Variants in WAC observed in about 807,000 individuals in gnomAD.
WAC encodes WW domain containing adaptor with coiled-coil, also known as WW domain-containing adapter protein with coiled-coil.
A neutral mutation model predicts 79.6 loss-of-function variants in WAC; 11 were observed. That is an observed-to-expected ratio of 0.14 (90% CI 0.09 to 0.23). The LOEUF (loss-of-function observed/expected upper bound fraction) is 0.23. Among genes scored for constraint, WAC ranks in the 10% least tolerant of loss-of-function variants. The probability of loss-of-function intolerance (pLI) is 1.00; values close to 1 mark genes in which losing one functional copy is unlikely to be tolerated. For synonymous variants in WAC, 304 were observed against 276.9 expected (o/e 1.10, Z -0.97); for missense variants, 728 against 773.5 (o/e 0.94, Z 0.70).
At position 28,614,657 on chromosome 10, in the gene WAC, G is replaced by A. The variant is rs757461406; in HGVS notation, c.1528G>A (p.Val510Ile). The A allele has an allele frequency of 1.9e-6, 3 of 1,614,134 alleles. No homozygotes were observed. The highest frequency in any genetic ancestry group is 2.5e-6 in the Non-Finnish European group (3 of 1,179,998). Reference sequence around the variant, plus strand: ...TGACAAGCAGCAAGGTCATGAACCTGTCTCTCCTCGAAGTCTTCAGCGCTC... The same window carrying A: ...TGACAAGCAGCAAGGTCATGAACCTATCTCTCCTCGAAGTCTTCAGCGCTC... ...TADKQQGHEP[V>I]SPRSLQRSSS... The change falls in exon 11 of 14, where the codon GTC (valine) becomes ATC (isoleucine). Residue 510 changes from valine to isoleucine, a missense_variant. This residue lies in a region of WAC where 648 missense variants were observed against 661.5 expected (regional missense o/e 0.98). Coordinates refer to ENST00000354911, the MANE Select transcript of WAC (RefSeq NM_016628.5).
chr10:28,562,000 T>A (rs778368141), intron 3 of WAC, among the ~76,000 whole-genome samples: 7 of 152,154 alleles, frequency 4.6e-5, no homozygotes, highest in Admixed American at 3.9e-4. Context: ...GTGCAGAGAC[T>A]AGGAGCTGAG....
At chr10:28,533,764 G>A (rs1836426357) in intron 1 of WAC, 144 bp downstream of exon 1, 3 of 933,472 alleles carry the variant, frequency 3.2e-6, no homozygotes, top group East Asian at 3.2e-5. Context: ...GCGGCCGCGC[G>A]GGCGGGCGGG....
chr10:28,556,267 C>T (rs754084146), intron 3 of WAC, among the ~76,000 whole-genome samples: 1 of 151,908 alleles, frequency 6.6e-6, no homozygotes, highest in Non-Finnish European at 1.5e-5. Flanking sequence ...GAGGTGTGAG[C>T]TAATAGATCA....
At chr10:28,533,668 C>CG (rs748255024) in intron 1 of WAC, 48 bp downstream of exon 1, 110 of 1,216,950 alleles carry the variant, frequency 9.0e-5, no homozygotes, top group Non-Finnish European at 1.1e-4. Context: ...GGGGCGGCGG[C>CG]GGGGGGGCTG....
chr10:28,538,031 A>G (rs890687393), intron 3 of WAC, among the ~76,000 whole-genome samples: 40 of 152,250 alleles, frequency 2.6e-4, no homozygotes, highest in African/African-American at 9.4e-4. Context: ...CCTGGCTGCC[A>G]TATTCCTTTA....
chr10:28,541,791 A>G (rs891275716), intron 3 of WAC, among the ~76,000 whole-genome samples: 32 of 152,302 alleles, frequency 2.1e-4, no homozygotes, highest in African/African-American at 7.7e-4. Context: ...TACTCCAAGT[A>G]TAACTAATTC....
intron 12 of WAC, 27 bp from the exon 13 acceptor site, chr10:28,617,630 A>C (rs773326702): frequency 6.5e-7 from 1 of 1,530,536 alleles, no homozygotes; most frequent in Non-Finnish European, 8.7e-7. Context: ...TTTATATTTT[A>C]TGTTTTCTTC....
At chr10:28,587,604 T>TA (rs1337912653) in intron 4 of WAC, among the ~76,000 whole-genome samples, 1 of 152,214 alleles carries the variant, frequency 6.6e-6, no homozygotes, top group Non-Finnish European at 1.5e-5. Flanking sequence ...CAATATTAGT[T>TA]ACTCTTTTTG....
At chr10:28,594,451 C>A (rs887577383) in intron 6 of WAC, among the ~76,000 whole-genome samples, 1 of 152,320 alleles carries the variant, frequency 6.6e-6, no homozygotes, top group Middle Eastern at 3.4e-3. Context: ...TACTATCATA[C>A]AACAGATGTT....
At chr10:28,548,455 C>T (rs1837486197) in intron 3 of WAC, among the ~76,000 whole-genome samples, 1 of 152,106 alleles carries the variant, frequency 6.6e-6, no homozygotes, top group African/African-American at 2.4e-5. Flanking sequence ...GTGTACACTC[C>T]ACTCTGGGGA....
At chr10:28,562,256 C>T (rs1838340746) in intron 3 of WAC, among the ~76,000 whole-genome samples, 1 of 152,058 alleles carries the variant, frequency 6.6e-6, no homozygotes, top group Non-Finnish European at 1.5e-5. Flanking sequence ...GGGGTTTCAC[C>T]ATGTTAGCCA....
intron 3 of WAC, among the ~76,000 whole-genome samples, chr10:28,550,166 CAA>C (rs5784070): frequency 7.1e-6 from 1 of 141,212 alleles, no homozygotes; most frequent in Admixed American, 7.0e-5. Context: ...GACTCAGTCT[CAA>C]AAAAAAAAAA....
At chr10:28,617,858 TCA>T in intron 13 of WAC, 74 bp downstream of exon 13, 1 of 1,447,046 alleles carries the variant, frequency 6.9e-7, no homozygotes, top group South Asian at 1.4e-5. Context: ...AGAATGTAAA[TCA>T]CATTTTATTT....
In WAC at chr10:28,613,464, ACT is replaced by A. The variant is rs1291448265; in HGVS notation, c.1438-1100_1438-1099del. Among the ~76,000 whole-genome samples the A allele has an allele frequency of 5.3e-5, 8 of 152,136 alleles. 1 individual carries two copies. In the South Asian group the frequency reaches 1.5e-3, roughly 28 times the overall value. ...GGTTGGAGTGAGCCAAGATCACGTC[ACT>A]CTGCACTTGAGAGTAGGCAACCAGA... On this transcript the variant is annotated intron_variant, in intron 10 of 13. Transcript: ENST00000354911.
intron 6 of WAC, among the ~76,000 whole-genome samples, chr10:28,593,059 C>T (rs1840178677): frequency 6.6e-6 from 1 of 152,140 alleles, no homozygotes. Context: ...TTACTGCCTT[C>T]AGTTAAATTC....
At position 28,539,661 on chromosome 10, in the gene WAC, C is replaced by T. The variant is rs1221392529; in HGVS notation, c.274+3904C>T. Among the ~76,000 whole-genome samples the T allele has an allele frequency of 4.6e-5, 7 of 151,868 alleles. No individual in the cohort carries two copies. In the East Asian group the frequency reaches 1.4e-3, roughly 30 times the overall value. On this transcript the variant is annotated intron_variant, in intron 3 of 13. Transcript: ENST00000354911. The stretch of plus-strand genomic sequence containing the variant: ...GTAACCTCTGCCTCCTGAGTTCAAG[C>T]GATCCTTCTGCCTTAATGTCCCAAG...
chr10:28,554,064 C>T (rs1042760648), intron 3 of WAC, among the ~76,000 whole-genome samples: 2 of 152,104 alleles, frequency 1.3e-5, no homozygotes, highest in Non-Finnish European at 2.9e-5. Context: ...GATGGGGTTT[C>T]GCCATGTTGG....
intron 3 of WAC, among the ~76,000 whole-genome samples, chr10:28,567,166 G>A (rs1409387570): frequency 6.6e-6 from 1 of 150,394 alleles, no homozygotes; most frequent in Non-Finnish European, 1.5e-5. Flanking sequence ...TTTTCCTTAA[G>A]TTCCTCTAAA....
chr10:28,555,127 T>G (rs762470580), intron 3 of WAC, among the ~76,000 whole-genome samples: 5 of 152,156 alleles, frequency 3.3e-5, no homozygotes, highest in Non-Finnish European at 5.9e-5. Context: ...ATCTTGAGCC[T>G]CCTCCTTAAC....
Sources: allele counts gnomAD v4.1 joint callset (sites outside exome capture counted in the v4.1 genomes callset), GRCh38; gene constraint gnomAD v4.1.1; regional missense constraint gnomAD v4.1.1; transcripts MANE v1.5; gene names NCBI Gene and HGNC (gene_info 2026-07-23, HGNC 2026-07-21).